Variants in ZNF431 observed in about 807,000 individuals in gnomAD.
ZNF431 encodes zinc finger protein 431.
In ZNF431, 34 loss-of-function variants were observed where a neutral mutation model predicts 57.0. That is an observed-to-expected ratio of 0.60 (90% confidence interval 0.45 to 0.79). The LOEUF is 0.79. Ranked by LOEUF, ZNF431 falls within the 30% of genes least tolerant of loss-of-function variation. The pLI is 0.00. For missense variants in ZNF431, 607 were observed against 667.1 expected, an observed-to-expected ratio of 0.91 and a Z score of 0.99; for synonymous variants, 207 against 220.3, an observed-to-expected ratio of 0.94 and a Z score of 0.54.
At position 21,188,906 on chromosome 19, in the gene ZNF431, G is replaced by A. The variant is rs1420591053; in HGVS notation, c.*4872G>A. ...GCTTAAAGTAAAAATCCTAAAGTAC[G>A]TTGGCTCCTCCCATGCAATGTGCTG... On this transcript the variant is annotated 3_prime_UTR_variant, in exon 5 of 5. Transcript: ENST00000311048. The A allele has an allele frequency of 1.3e-5, 2 of 152,088 alleles. No individual in the cohort carries two copies. The highest frequency in any genetic ancestry group is 6.6e-5 in the Admixed American group (1 of 15,260). The allele number at this position is 152,088 out of a possible 1,614,324, so 9.4% of individuals were successfully genotyped here.
rs1971353147 is a variant in ZNF431 at position 21,185,682 on chromosome 19, AAC to A, written c.*1649_*1650del. 3 of 152,130 alleles carry A rather than the reference AAC, an allele frequency of 2.0e-5. No individual in the cohort carries two copies. The highest frequency in any genetic ancestry group is 4.8e-5 in the African/African-American group (2 of 41,404). The allele number at this position is 152,130 out of a possible 1,614,324, so 9.4% of individuals were successfully genotyped here. On this transcript the variant is annotated 3_prime_UTR_variant, in exon 5 of 5. Coordinates refer to ENST00000311048, the MANE Select transcript of ZNF431 (RefSeq NM_133473.4). ...CACCATATTGGCCAAGCTGGTCTTGAACTCCTGACCTCATGTGATCCGCCCGC... is the reference window on the plus strand; with the variant it reads ...CACCATATTGGCCAAGCTGGTCTTGATCCTGACCTCATGTGATCCGCCCGC...
In ZNF431 at chr19:21,183,877, C is replaced by T. The variant is rs1971288924; in HGVS notation, c.1574C>T (p.Ser525Leu). ...EECGKAFNQS[S>L]TLTKHRKIHT... ...TGTGGTAAAGCCTTTAACCAATCCT[C>T]AACTCTTACTAAACATAGGAAAATT... is the stretch of plus-strand genomic sequence containing the variant. Residue 525 changes from serine to leucine, a missense_variant, in exon 5 of 5, where the codon TCA becomes TTA. Ser to Leu is a moderately radical substitution (Grantham distance 145). Transcript: ENST00000311048. The T allele has an allele frequency of 1.2e-6, 2 of 1,613,924 alleles. No homozygotes were observed. Among genetic ancestry groups the T allele is most frequent in the African/African-American group, 2.7e-5 (2 of 75,024 alleles).
chr19:21,143,505 T>C, intron 1 of ZNF431, 46 bp from the exon 2 acceptor site: 4 of 1,479,162 alleles, frequency 2.7e-6, no homozygotes, highest in Non-Finnish European at 2.8e-6. Flanking sequence ...TTATGTCAGC[T>C]AAAGTGCCTA....
chr19:21,166,442 C>T lies in ZNF431; in HGVS notation c.204C>T (p.Tyr68=), dbSNP rs1049152746. The T allele has an allele frequency of 1.2e-6, 2 of 1,609,144 alleles. No individual in the cohort carries two copies. Among genetic ancestry groups the T allele is most frequent in the African/African-American group, 2.7e-5 (2 of 74,612 alleles). ...ATATGAATGTGATGTTAGAAAACTA[C>T]AAAAACCTGGTCTTCTTGGGTGAGA... ...NLYMNVMLEN[Y]KNLVFLGVAV... Residue 68 remains tyrosine, a synonymous_variant, in exon 3 of 5, where the codon TAC becomes TAT. Coordinates refer to ENST00000311048, the MANE Select transcript of ZNF431 (RefSeq NM_133473.4).
intron 4 of ZNF431, chr19:21,175,334 A>G: frequency 1.5e-6 from 1 of 655,596 alleles, no homozygotes. Flanking sequence ...AGATTACATT[A>G]TTTTTATTAA....
At chr19:21,173,357 T>C (rs902696902) in intron 4 of ZNF431, among the ~76,000 whole-genome samples, 3 of 152,238 alleles carry the variant, frequency 2.0e-5, no homozygotes, top group African/African-American at 7.2e-5. Flanking sequence ...AAGAAGCATG[T>C]ATAACATTTT....
intron 2 of ZNF431, chr19:21,150,118 C>T (rs1970229425): frequency 3.1e-6 from 2 of 637,436 alleles, no homozygotes; most frequent in African/African-American, 3.6e-5. Flanking sequence ...TCTGCTTCTC[C>T]TCTTGCTTTG....
At chr19:21,169,514 C>T (rs11879625) in intron 4 of ZNF431, among the ~76,000 whole-genome samples, 1,673 of 152,176 alleles carry the variant, frequency 0.011, 41 homozygotes, top group African/African-American at 0.038. Context: ...ATGGAATGCC[C>T]TCTGGGTTTG....
At chr19:21,152,389 A>G (rs11668640) in intron 2 of ZNF431, among the ~76,000 whole-genome samples, 112,881 of 152,000 alleles carry the variant, frequency 0.74, 42,909 homozygotes, top group Middle Eastern at 0.86. Context: ...AGTCCCATTA[A>G]CACTTAAGTT....
At chr19:21,147,361 C>T (rs1326998929) in intron 2 of ZNF431, among the ~76,000 whole-genome samples, 6 of 152,010 alleles carry the variant, frequency 3.9e-5, no homozygotes, top group Non-Finnish European at 5.9e-5. Flanking sequence ...TGCTGGTGGA[C>T]GCCTGTAATC....
chr19:21,194,720 C>T lies in ZNF431; in HGVS notation c.*10686C>T, dbSNP rs1971573917. 1 of 152,214 alleles carries T rather than the reference C, an allele frequency of 6.6e-6. No individual in the cohort carries two copies. The highest frequency in any genetic ancestry group is 1.5e-5 in the Non-Finnish European group (1 of 68,052). 9.4% of individuals were successfully genotyped at this position (152,214 alleles called of 1,614,324 possible). The stretch of plus-strand genomic sequence containing the variant: ...CCGGCGTCCCAAAGTGCTGGGATTA[C>T]AGGTGCGACCCACCATGCCTGGCCC... On this transcript the variant is annotated 3_prime_UTR_variant, in exon 5 of 5. Transcript: ENST00000311048.
At chr19:21,175,416 T>C (rs1332686401) in intron 4 of ZNF431, 2 of 696,676 alleles carry the variant, frequency 2.9e-6, no homozygotes, top group Non-Finnish European at 5.2e-6. Context: ...TTGTTGTTCT[T>C]TTTTTAAGTT....
chr19:21,151,671 T>C (rs1970277786), intron 2 of ZNF431, among the ~76,000 whole-genome samples: 1 of 152,150 alleles, frequency 6.6e-6, no homozygotes, highest in Non-Finnish European at 1.5e-5. Flanking sequence ...ACTGAGCACT[T>C]TTCTGAGCCA....
chr19:21,169,243 GT>G (rs565174353), intron 4 of ZNF431, among the ~76,000 whole-genome samples: 3 of 151,934 alleles, frequency 2.0e-5, no homozygotes, highest in Non-Finnish European at 2.9e-5. Flanking sequence ...ACTGTTTATG[GT>G]TTTTTTATAT....
intron 4 of ZNF431, among the ~76,000 whole-genome samples, chr19:21,179,901 A>G (rs180886974): frequency 9.1e-4 from 138 of 152,084 alleles, no homozygotes; most frequent in African/African-American, 3.1e-3. Context: ...TAATTTTTTG[A>G]TTTCTGATTT....
intron 1 of ZNF431, among the ~76,000 whole-genome samples, chr19:21,142,420 A>C (rs1010392556): frequency 6.6e-6 from 1 of 152,166 alleles, no homozygotes; most frequent in Non-Finnish European, 1.5e-5. Flanking sequence ...CCTGGCCTGG[A>C]GCCCTCTCTG....
intron 2 of ZNF431, among the ~76,000 whole-genome samples, chr19:21,157,195 T>C (rs770034838): frequency 5.9e-5 from 9 of 152,206 alleles, no homozygotes; most frequent in Admixed American, 5.2e-4. Context: ...TAGAGTGCAG[T>C]GGTACCGTCT....
intron 2 of ZNF431, among the ~76,000 whole-genome samples, chr19:21,151,594 A>G (rs1970275365): frequency 6.6e-6 from 1 of 152,206 alleles, no homozygotes; most frequent in African/African-American, 2.4e-5. Context: ...CTGGGCCACC[A>G]TTATGATGGT....
intron 2 of ZNF431, among the ~76,000 whole-genome samples, chr19:21,150,756 T>C (rs1285166174): frequency 6.6e-6 from 1 of 152,186 alleles, no homozygotes; most frequent in Non-Finnish European, 1.5e-5. Flanking sequence ...ATAATTGCCA[T>C]TAGCCATTCC....
Sources: gnomAD v4.1 joint callset for allele counts (sites outside exome capture counted in the v4.1 genomes callset) on GRCh38, gnomAD v4.1.1 for gene constraint, MANE v1.5 for transcripts, NCBI Gene and HGNC (gene_info 2026-07-23, HGNC 2026-07-21) for gene names.